Variants in TMEM131L observed in about 807,000 individuals in gnomAD.
TMEM131L encodes the protein transmembrane protein 131-like.
Under a neutral mutation model 192.2 loss-of-function variants are expected in TMEM131L, and 54 were observed. The observed-to-expected ratio is 0.28, with a 90% CI of 0.23 to 0.35. TMEM131L has a LOEUF of 0.35. Ranked by LOEUF, TMEM131L falls within the 10% of genes least tolerant of loss-of-function variation. The probability of loss-of-function intolerance (pLI) is 1.00; values close to 1 mark genes in which losing one functional copy is unlikely to be tolerated. For missense variants in TMEM131L, 1,888 were observed against 1,972.9 expected (o/e 0.96, Z 0.82); for synonymous variants, 701 against 704.9 (o/e 0.99, Z 0.09).
At chr4:153,582,887 T>A (rs899992138) in intron 9 of TMEM131L, among the ~76,000 whole-genome samples, 3 of 152,136 alleles carry the variant, frequency 2.0e-5, no homozygotes, top group Non-Finnish European at 4.4e-5. Flanking sequence ...AGTTGGTTAG[T>A]TTCATTCAGA....
intron 3 of TMEM131L, among the ~76,000 whole-genome samples, chr4:153,548,944 G>A (rs1737398151): frequency 6.6e-6 from 1 of 151,996 alleles, no homozygotes; most frequent in Non-Finnish European, 1.5e-5. Context: ...GGAGAAAATG[G>A]AAAGATTCTA....
intron 3 of TMEM131L, among the ~76,000 whole-genome samples, chr4:153,485,105 C>G (rs1301542869): frequency 7.7e-6 from 1 of 129,404 alleles, no homozygotes; most frequent in African/African-American, 3.0e-5. Flanking sequence ...GGCGAAAGAG[C>G]GAGACTCTGT....
intron 2 of TMEM131L, among the ~76,000 whole-genome samples, chr4:153,472,674 G>C (rs116391341): frequency 0.019 from 2,860 of 152,278 alleles, 52 homozygotes; most frequent in South Asian, 0.07. Flanking sequence ...GGCAATGTGG[G>C]GTGGTGATGT....
At chr4:153,594,579 A>G (rs1427184959) in intron 19 of TMEM131L, among the ~76,000 whole-genome samples, 1 of 152,232 alleles carries the variant, frequency 6.6e-6, no homozygotes, top group African/African-American at 2.4e-5. Flanking sequence ...GTAAACTCAC[A>G]TATGCGGATA....
chr4:153,466,719 G>A (rs943336158), intron 1 of TMEM131L, among the ~76,000 whole-genome samples, 198 bp downstream of exon 1: 1 of 152,204 alleles, frequency 6.6e-6, no homozygotes, highest in African/African-American at 2.4e-5. Context: ...GCCCCGTACA[G>A]CTGGAGAGCG....
intron 3 of TMEM131L, among the ~76,000 whole-genome samples, chr4:153,482,703 C>T (rs910671402): frequency 2.0e-5 from 3 of 152,072 alleles, no homozygotes; most frequent in South Asian, 2.1e-4. Context: ...GCAGTCCTTC[C>T]GCCTCAGCCT....
At chr4:153,572,063 G>T (rs2150623072) in intron 7 of TMEM131L, among the ~76,000 whole-genome samples, 1 of 151,642 alleles carries the variant, frequency 6.6e-6, no homozygotes, top group South Asian at 2.1e-4. Context: ...TTTTTAGTTG[G>T]CATGTAATAA....
chr4:153,619,611 T>A (rs543047022), intron 26 of TMEM131L, among the ~76,000 whole-genome samples: 2 of 152,380 alleles, frequency 1.3e-5, no homozygotes, highest in East Asian at 3.9e-4. Flanking sequence ...TTTTATTTAC[T>A]GTGGTGTGCA....
chr4:153,515,052 T>C (rs1006081745), intron 3 of TMEM131L, among the ~76,000 whole-genome samples: 4 of 152,012 alleles, frequency 2.6e-5, no homozygotes, highest in African/African-American at 4.8e-5. Context: ...CCTCAGGTGA[T>C]CCACCTGCCT....
chr4:153,557,542 T>C (rs1345239393), intron 6 of TMEM131L, among the ~76,000 whole-genome samples: 1 of 152,204 alleles, frequency 6.6e-6, no homozygotes, highest in Non-Finnish European at 1.5e-5. Flanking sequence ...ACTATTCATA[T>C]CAAGGTACCA....
chr4:153,609,825 C>T (rs1180671716), intron 25 of TMEM131L, among the ~76,000 whole-genome samples: 5 of 152,064 alleles, frequency 3.3e-5, no homozygotes, highest in Non-Finnish European at 5.9e-5. Context: ...TTTTTTGAGG[C>T]AAATATCTGT....
chr4:153,535,605 T>C (rs930635281), intron 3 of TMEM131L, among the ~76,000 whole-genome samples: 1 of 152,138 alleles, frequency 6.6e-6, no homozygotes, highest in Non-Finnish European at 1.5e-5. Context: ...TTAAATAATT[T>C]ATTAATGTGG....
intron 26 of TMEM131L, among the ~76,000 whole-genome samples, chr4:153,614,888 C>G (rs1459762464): frequency 6.6e-6 from 1 of 152,144 alleles, no homozygotes; most frequent in Non-Finnish European, 1.5e-5. Context: ...ATCAGGACTT[C>G]TTAGCACTAA....
intron 2 of TMEM131L, among the ~76,000 whole-genome samples, chr4:153,470,860 G>A (rs1455243979): frequency 1.3e-5 from 2 of 152,202 alleles, no homozygotes; most frequent in African/African-American, 4.8e-5. Context: ...CGTATCTGTT[G>A]AATTAATGAA....
In TMEM131L at chr4:153,605,682, T is replaced by A. The variant is rs1732181968; in HGVS notation, c.3418+1252T>A. On this transcript the variant is annotated intron_variant, in intron 25 of 34. Transcript: ENST00000409959. ...TGGTCAGATTTTTGACAATTTTTAA[T>A]CTGGAAAACTCAGTCACCTTTTGTC... Among the ~76,000 whole-genome samples, 3 of 152,220 alleles carry A rather than the reference T, an allele frequency of 2.0e-5. No homozygotes were observed. The South Asian group carries it at 6.2e-4, about 31-fold the overall frequency.
intron 29 of TMEM131L, among the ~76,000 whole-genome samples, chr4:153,624,746 C>T (rs1280327496): frequency 6.6e-6 from 1 of 152,208 alleles, no homozygotes; most frequent in African/African-American, 2.4e-5. Flanking sequence ...CAGTGCACTT[C>T]CCACCTCATC....
In TMEM131L at chr4:153,636,640, G is replaced by T. The variant is rs1209682360; in HGVS notation, c.*64G>T. Reference sequence around the variant, plus strand: ...TGTGTTTTGATTACTAGTGTAAACTGGTTATTGAGATAGATTATGACATTG... The same window carrying T: ...TGTGTTTTGATTACTAGTGTAAACTTGTTATTGAGATAGATTATGACATTG... On this transcript the variant is annotated 3_prime_UTR_variant, in exon 35 of 35. Coordinates refer to ENST00000409959, the MANE Select transcript of TMEM131L (RefSeq NM_001131007.2). 6.8e-7 allele frequency: 1 copy of T among 1,476,964 alleles called. No homozygotes were observed. Among genetic ancestry groups the T allele is most frequent in the Non-Finnish European group, 9.2e-7 (1 of 1,081,160 alleles). The allele number at this position is 1,476,964 out of a possible 1,614,324, so 91.5% of individuals were successfully genotyped here.
intron 31 of TMEM131L, 178 bp from the exon 32 acceptor site, chr4:153,632,540 G>C: frequency 1.5e-6 from 1 of 655,520 alleles, no homozygotes; most frequent in Non-Finnish European, 2.5e-6. Flanking sequence ...CTGAAGAAAC[G>C]GTCAAAACAA....
At position 153,622,971 on chromosome 4, in the gene TMEM131L, C is replaced by G. The variant is rs1733545695; in HGVS notation, c.3933C>G (p.Ser1311Arg). The change falls in exon 29 of 35, where the codon AGC becomes AGG. Residue 1311 changes from serine (S) to arginine (R), a missense_variant. Ser to Arg is a moderately radical substitution (Grantham distance 110). Coordinates refer to ENST00000409959, the MANE Select transcript of TMEM131L (RefSeq NM_001131007.2). ...FCSDSSSDCGSSSGSVRASRG... is the reference protein window; with the variant it reads ...FCSDSSSDCGRSSGSVRASRG... ...CCGATTCCAGCTCTGACTGTGGGAGCTCCTCTGGCAGCGTGCGTGCCAGCC... is the reference window on the plus strand; with the variant it reads ...CCGATTCCAGCTCTGACTGTGGGAGGTCCTCTGGCAGCGTGCGTGCCAGCC... The G allele has an allele frequency of 6.2e-7, 1 of 1,614,134 alleles. No individual in the cohort carries two copies. Among genetic ancestry groups the G allele is most frequent in the Non-Finnish European group, 8.5e-7 (1 of 1,180,048 alleles).
Sources: gnomAD v4.1 joint callset for allele counts (sites outside exome capture counted in the v4.1 genomes callset) on GRCh38, gnomAD v4.1.1 for gene constraint, MANE v1.5 for transcripts, NCBI Gene and HGNC (gene_info 2026-07-23, HGNC 2026-07-21) for gene names.